The following COL11A1 variants were observed in gnomAD, a reference collection of about 807,000 sequenced individuals.
COL11A1 encodes the protein collagen alpha-1(XI) chain.
Under a neutral mutation model 265.2 loss-of-function variants are expected in COL11A1, and 74 were observed. That is an observed-to-expected ratio of 0.28 (90% CI 0.23 to 0.34). The LOEUF (loss-of-function observed/expected upper bound fraction) is 0.34, where lower values mean the gene tolerates loss of function less well. COL11A1 is among the 10% of genes least tolerant of loss of function. The probability of loss-of-function intolerance (pLI) is 1.00; values close to 1 mark genes in which losing one functional copy is unlikely to be tolerated. For synonymous variants in COL11A1, 816 were observed against 727.6 expected (o/e 1.12, Z -1.96); for missense variants, 2,165 against 2,263.6 (o/e 0.96, Z 0.88).
Position 102,942,698 on chromosome 1 carries a change from T to A in COL11A1, c.3277-2264A>T, listed in dbSNP as rs1658857772. 2.6e-5 allele frequency among the ~76,000 whole-genome samples: 4 copies of A among 152,114 alleles called. 1 individual carries two copies. The South Asian group carries it at 8.3e-4, about 31-fold the overall frequency. On this transcript the variant is annotated intron_variant, in intron 42 of 66. Transcript: ENST00000370096. ...CTTTTATTACAATTCACAAAATCCA[T>A]CACTCCTTCCTCAAAAGCTCATTTG... is the stretch of plus-strand genomic sequence containing the variant.
At chr1:103,066,081 T>A (rs1671118523) in intron 4 of COL11A1, among the ~76,000 whole-genome samples, 1 of 151,976 alleles carries the variant, frequency 6.6e-6, no homozygotes, top group African/African-American at 2.4e-5. Context: ...AGAACAACAT[T>A]CTCACATATA....
chr1:103,061,645 C>G (rs1670686306), intron 4 of COL11A1, among the ~76,000 whole-genome samples: 1 of 151,840 alleles, frequency 6.6e-6, no homozygotes, highest in Admixed American at 6.6e-5. Flanking sequence ...GACAAAATCT[C>G]AGGAATAATT....
At chr1:103,084,228 A>G (rs1454781968) in intron 1 of COL11A1, among the ~76,000 whole-genome samples, 1 of 152,084 alleles carries the variant, frequency 6.6e-6, no homozygotes, top group East Asian at 1.9e-4. Flanking sequence ...CATCACCATT[A>G]TGCAATAACT....
intron 1 of COL11A1, among the ~76,000 whole-genome samples, chr1:103,095,543 A>G (rs1673682726): frequency 6.6e-6 from 1 of 152,092 alleles, no homozygotes; most frequent in Non-Finnish European, 1.5e-5. Context: ...AAAAGGAAAA[A>G]TAAGTGCAAA....
chr1:102,981,048 CT>C (rs1662987018), intron 31 of COL11A1, among the ~76,000 whole-genome samples: 1 of 152,114 alleles, frequency 6.6e-6, no homozygotes, highest in African/African-American at 2.4e-5. Flanking sequence ...CTACATGATG[CT>C]ATTAAAGCAG....
At chr1:102,959,807 G>A (rs1361970660) in intron 41 of COL11A1, among the ~76,000 whole-genome samples, 3 of 152,094 alleles carry the variant, frequency 2.0e-5, no homozygotes, top group Admixed American at 6.5e-5. Context: ...AAATACACTG[G>A]TTTCAACTGT....
In COL11A1 at chr1:102,911,228, T is replaced by A. The variant is rs1055386827; in HGVS notation, c.4086+931A>T. 2.6e-5 allele frequency among the ~76,000 whole-genome samples: 4 copies of A among 152,274 alleles called. No homozygotes were observed. The South Asian group carries it at 8.3e-4, about 32-fold the overall frequency. On this transcript the variant is annotated intron_variant, in intron 54 of 66. Coordinates refer to ENST00000370096, the MANE Select transcript of COL11A1 (RefSeq NM_001854.4). Reference sequence around the variant, plus strand: ...TTGTTTTCAGAGACAAGTTTTATTATAAATTAAATATATTTTTGGAAAGAG... The same window carrying A: ...TTGTTTTCAGAGACAAGTTTTATTAAAAATTAAATATATTTTTGGAAAGAG...
intron 4 of COL11A1, among the ~76,000 whole-genome samples, chr1:103,058,572 CT>C (rs891623858): frequency 6.6e-6 from 1 of 152,144 alleles, no homozygotes; most frequent in African/African-American, 2.4e-5. Flanking sequence ...TCTCAAGTGA[CT>C]CTTGAACACT....
At chr1:103,009,027 G>A (rs756924198) in intron 14 of COL11A1, among the ~76,000 whole-genome samples, 73 of 152,244 alleles carry the variant, frequency 4.8e-4, no homozygotes, top group Admixed American at 3.9e-4. Flanking sequence ...TATAATTGCC[G>A]TGAAATAGTG....
At chr1:102,936,455 A>C (rs1371621516) in intron 44 of COL11A1, among the ~76,000 whole-genome samples, 2 of 152,148 alleles carry the variant, frequency 1.3e-5, no homozygotes, top group Non-Finnish European at 2.9e-5. Context: ...TGATTTTGGC[A>C]GATGTTATTC....
intron 54 of COL11A1, among the ~76,000 whole-genome samples, chr1:102,900,319 G>A (rs1261914660): frequency 6.6e-6 from 1 of 152,020 alleles, no homozygotes; most frequent in Non-Finnish European, 1.5e-5. Flanking sequence ...TCATATTTAA[G>A]CAAAAGGAAT....
intron 54 of COL11A1, among the ~76,000 whole-genome samples, chr1:102,900,235 G>A (rs561926579): frequency 6.6e-6 from 1 of 151,986 alleles, no homozygotes; most frequent in South Asian, 2.1e-4. Context: ...AATTCTATGG[G>A]TAATCTCTTG....
chr1:103,068,124 CAA>C (rs1374174811), intron 4 of COL11A1, among the ~76,000 whole-genome samples: 1 of 151,474 alleles, frequency 6.6e-6, no homozygotes, highest in Non-Finnish European at 1.5e-5. Context: ...CAAAACCTGA[CAA>C]AGACATTATA....
chr1:103,084,899 C>T (rs1672732655), intron 1 of COL11A1, among the ~76,000 whole-genome samples: 2 of 152,110 alleles, frequency 1.3e-5, no homozygotes, highest in Admixed American at 1.3e-4. Context: ...AAATACACCA[C>T]CAAACTTCTA....
At chr1:103,005,623 A>G (rs1237903074) in intron 18 of COL11A1, among the ~76,000 whole-genome samples, 4 of 152,214 alleles carry the variant, frequency 2.6e-5, no homozygotes, top group African/African-American at 7.2e-5. Flanking sequence ...ATGTTTGCAT[A>G]AAAGGAATAT....
chr1:102,932,236 G>T lies in COL11A1; in HGVS notation c.3600+2213C>A, dbSNP rs573848945. Reference sequence around the variant, plus strand: ...GATTTTGCAGTGGCTGGTGCCGGTTGTTCCTTTCCATGTTTAGCACTGCCT... The same window carrying T: ...GATTTTGCAGTGGCTGGTGCCGGTTTTTCCTTTCCATGTTTAGCACTGCCT... On this transcript the variant is annotated intron_variant, in intron 46 of 66. Coordinates refer to ENST00000370096, the MANE Select transcript of COL11A1 (RefSeq NM_001854.4). Among the ~76,000 whole-genome samples the T allele has an allele frequency of 3.9e-4, 60 of 152,242 alleles. No homozygotes were observed. The South Asian group carries it at 4.2e-3, about 11-fold the overall frequency.
At chr1:102,897,421 A>T (rs1652566729) in intron 57 of COL11A1, among the ~76,000 whole-genome samples, 1 of 150,770 alleles carries the variant, frequency 6.6e-6, no homozygotes, top group African/African-American at 2.4e-5. Flanking sequence ...GACACTCAAA[A>T]ATCTCTACCA....
intron 4 of COL11A1, among the ~76,000 whole-genome samples, chr1:103,035,501 C>A (rs1224483102): frequency 6.6e-6 from 1 of 152,064 alleles, no homozygotes; most frequent in Non-Finnish European, 1.5e-5. Context: ...TCAGAAATAT[C>A]TCCACTGATA....
rs149842131 is a variant in COL11A1, at chr1:102,976,289, C to CTTTTTTTTTTTTTTTT, written c.2755-1422_2755-1407dup. 5.1e-5 allele frequency among the ~76,000 whole-genome samples: 3 copies of CTTTTTTTTTTTTTTTT among 58,602 alleles called. 1 individual carries two copies. The highest frequency in any genetic ancestry group is 9.7e-5 in the Non-Finnish European group (3 of 31,088). 38.4% of individuals were successfully genotyped at this position (58,602 alleles called of 152,430 possible). ...TATAAAATTTCACAGAAAACGTTGG[C>CTTTTTTTTTTTTTTTT]TTTTTTTTTTTTTTTTTTTTTTTTT... On this transcript the variant is annotated intron_variant, in intron 35 of 66. Transcript: ENST00000370096.
Sources: gnomAD v4.1 joint callset for allele counts (sites outside exome capture counted in the v4.1 genomes callset) on GRCh38, gnomAD v4.1.1 for gene constraint, MANE v1.5 for transcripts, NCBI Gene and HGNC (gene_info 2026-07-23, HGNC 2026-07-21) for gene names.